The following TCEA1 variants were observed in gnomAD, a reference collection of about 807,000 sequenced individuals.
TCEA1 encodes transcription elongation factor A1.
TCEA1 carries 21 observed loss-of-function variants against 43.8 expected under a neutral mutation model. The observed-to-expected ratio is 0.48, with a 90% CI of 0.34 to 0.69. The LOEUF (loss-of-function observed/expected upper bound fraction) is 0.69, where lower values mean the gene tolerates loss of function less well. Among genes scored for constraint, TCEA1 ranks in the 30% least tolerant of loss-of-function variants. The pLI is 0.01. For synonymous variants in TCEA1, 104 were observed against 117.5 expected (o/e 0.88, Z 0.75); for missense variants, 250 against 365.1 (o/e 0.68, Z 2.57).
chr8:53,982,429 G>A (rs901460060), intron 7 of TCEA1, among the ~76,000 whole-genome samples: 2 of 151,866 alleles, frequency 1.3e-5, no homozygotes, highest in South Asian at 2.1e-4. Flanking sequence ...CCAACATGGT[G>A]AAACCCTGTC....
intron 4 of TCEA1, 37 bp from the exon 5 acceptor site, chr8:53,988,296 A>T: frequency 6.3e-7 from 1 of 1,596,114 alleles, no homozygotes; most frequent in Non-Finnish European, 8.5e-7. Context: ...AGAAATCAAG[A>T]ACAATCCTTT....
rs557602883 is a variant in TCEA1, at chr8:53,992,019, A to T, written c.320+1649T>A. On this transcript the variant is annotated intron_variant, in intron 4 of 9. Coordinates refer to ENST00000521604, the MANE Select transcript of TCEA1 (RefSeq NM_006756.4). ...CGGTAGTTGCCTTAATGTCCTAAATACCTCAACACGGGCTGGGTGCAGTGG... is the reference window on the plus strand; with the variant it reads ...CGGTAGTTGCCTTAATGTCCTAAATTCCTCAACACGGGCTGGGTGCAGTGG... Among the ~76,000 whole-genome samples the T allele has an allele frequency of 3.3e-5, 5 of 152,246 alleles. No homozygotes were observed. In the East Asian group the frequency reaches 9.6e-4, roughly 29 times the overall value.
intron 2 of TCEA1, among the ~76,000 whole-genome samples, chr8:54,000,260 T>C (rs576601790): frequency 2.0e-5 from 3 of 152,308 alleles, no homozygotes; most frequent in Admixed American, 1.3e-4. Flanking sequence ...CATCAAGATC[T>C]AGAAGCATAA....
Position 53,979,053 on chromosome 8 carries a change from C to T in TCEA1, c.797G>A (p.Cys266Tyr). 1 of 1,611,488 alleles carries T rather than the reference C, an allele frequency of 6.2e-7. No homozygotes were observed. The highest frequency in any genetic ancestry group is 8.5e-7 in the Non-Finnish European group (1 of 1,177,964). ...TQTDLFTCGK[C>Y]KKKNCTYTQV... is the part of the protein sequence containing the mutation. ...TGTGTAAGTGCAATTCTTCTTTTTA[C>T]ATTTGCCACATGTGAACAAGTCAGT... Residue 266 changes from cysteine (C) to tyrosine (Y), a missense_variant, in exon 8 of 10, where the codon TGT (cysteine) becomes TAT (tyrosine). Transcript: ENST00000521604.
At chr8:53,990,230 T>G (rs889096062) in intron 4 of TCEA1, among the ~76,000 whole-genome samples, 3 of 150,268 alleles carry the variant, frequency 2.0e-5, no homozygotes, top group Admixed American at 2.0e-4. Context: ...AAACAAACCT[T>G]TTTTTTTTGG....
At chr8:54,001,974 T>C (rs555814931) in intron 2 of TCEA1, among the ~76,000 whole-genome samples, 2 of 118,894 alleles carry the variant, frequency 1.7e-5, no homozygotes, top group African/African-American at 9.5e-5. Flanking sequence ...AAACTGTCTC[T>C]ACTAAAAAAA....
intron 7 of TCEA1, among the ~76,000 whole-genome samples, chr8:53,982,522 C>T (rs574357765): frequency 1.3e-5 from 2 of 150,160 alleles, no homozygotes; most frequent in East Asian, 2.0e-4. Context: ...GCAGGAGAAT[C>T]GCTTGAACCC....
chr8:53,982,836 A>T (rs2129301903), intron 7 of TCEA1, among the ~76,000 whole-genome samples: 1 of 152,290 alleles, frequency 6.6e-6, no homozygotes, highest in Non-Finnish European at 1.5e-5. Flanking sequence ...AATGACAGCA[A>T]AGGATTTAGA....
At chr8:53,977,146 C>T (rs1274829815) in intron 8 of TCEA1, among the ~76,000 whole-genome samples, 2 of 152,034 alleles carry the variant, frequency 1.3e-5, no homozygotes, top group Admixed American at 6.6e-5. Flanking sequence ...AGTGAAACCC[C>T]GTCTCTACTA....
At chr8:54,016,668 G>A (rs1804838827) in intron 1 of TCEA1, among the ~76,000 whole-genome samples, 3 of 151,592 alleles carry the variant, frequency 2.0e-5, no homozygotes, top group Non-Finnish European at 1.5e-5. Context: ...GTGAAACCCT[G>A]TCTCTACTAA....
chr8:54,021,031 T>C (rs1563526494), intron 1 of TCEA1, among the ~76,000 whole-genome samples: 1 of 151,032 alleles, frequency 6.6e-6, no homozygotes, highest in Non-Finnish European at 1.5e-5. Context: ...CTACTAAAAA[T>C]ACAAAAAAAT....
At chr8:53,980,013 C>T (rs1162901480) in intron 7 of TCEA1, among the ~76,000 whole-genome samples, 3 of 152,210 alleles carry the variant, frequency 2.0e-5, no homozygotes, top group Non-Finnish European at 4.4e-5. Context: ...GTAATAACTT[C>T]GTCTCCTGCA....
At chr8:54,004,664 T>C (rs1804381834) in intron 2 of TCEA1, among the ~76,000 whole-genome samples, 2 of 152,016 alleles carry the variant, frequency 1.3e-5, no homozygotes, top group Admixed American at 6.6e-5. Flanking sequence ...TTTGGGGTGA[T>C]GAAAATGTTC....
chr8:53,985,029 T>A (rs1659043265), intron 6 of TCEA1, among the ~76,000 whole-genome samples: 1 of 152,118 alleles, frequency 6.6e-6, no homozygotes, highest in African/African-American at 2.4e-5. Flanking sequence ...AAAGTAGTTG[T>A]TTGTTTTGAA....
In TCEA1 at chr8:54,022,303, T is replaced by G. The variant is rs373830721; in HGVS notation, c.-178A>C. The G allele has an allele frequency of 9.2e-6, 6 of 651,246 alleles. No individual in the cohort carries two copies. Among genetic ancestry groups the G allele is most frequent in the South Asian group, 1.8e-5 (1 of 55,820 alleles). The allele number at this position is 651,246 out of a possible 1,614,324, so 40.3% of individuals were successfully genotyped here. On this transcript the variant is annotated 5_prime_UTR_variant, in exon 1 of 10. Transcript: ENST00000521604. ...CGGCGGCGGCGGCGGCGGCGGCGGC[T>G]CCGGCTCCTCCTCCCCAGGCAGCGA... is the stretch of plus-strand genomic sequence containing the variant.
chr8:54,015,604 A>G (rs1353952164), intron 1 of TCEA1, among the ~76,000 whole-genome samples: 1 of 152,252 alleles, frequency 6.6e-6, no homozygotes, highest in East Asian at 1.9e-4. Flanking sequence ...ACAAGCAACA[A>G]AAGAAAAATA....
chr8:54,010,716 C>A, intron 1 of TCEA1, among the ~76,000 whole-genome samples: 1 of 152,014 alleles, frequency 6.6e-6, no homozygotes, highest in Non-Finnish European at 1.5e-5. Flanking sequence ...TTCATTTAGT[C>A]TAATGTTTAC....
chr8:54,010,242 G>A, intron 2 of TCEA1, 188 bp downstream of exon 2: 1 of 512,384 alleles, frequency 2.0e-6, no homozygotes, highest in Non-Finnish European at 3.4e-6. Flanking sequence ...CCTTAAGAAA[G>A]GCGACATTGC....
In TCEA1 at chr8:54,008,594, G is replaced by T. The variant is rs13263523; in HGVS notation, c.126+1836C>A. 3.3e-5 allele frequency among the ~76,000 whole-genome samples: 5 copies of T among 149,962 alleles called. No homozygotes were observed. In the South Asian group the frequency reaches 1.1e-3, roughly 32 times the overall value. ...GTGGGAGGATCACTTCAGCCCAGGA[G>T]GTGGAGGCTGCAGTCAGCCAATGAT... On this transcript the variant is annotated intron_variant, in intron 2 of 9. Coordinates refer to ENST00000521604, the MANE Select transcript of TCEA1 (RefSeq NM_006756.4).
Sources: allele counts gnomAD v4.1 joint callset (sites outside exome capture counted in the v4.1 genomes callset), GRCh38; gene constraint gnomAD v4.1.1; transcripts MANE v1.5; gene names NCBI Gene and HGNC (gene_info 2026-07-23, HGNC 2026-07-21).